Variants in DNAAF4 observed in about 807,000 individuals in gnomAD.
DNAAF4 encodes dynein assembly factor 4, axonemal.
DNAAF4 carries 43 observed loss-of-function variants against 51.8 expected under a neutral mutation model. That is an observed-to-expected ratio of 0.83 (90% CI 0.65 to 1.07). The LOEUF (loss-of-function observed/expected upper bound fraction) is 1.07. Ranked by LOEUF, DNAAF4 falls within the 50% of genes least tolerant of loss-of-function variation. The pLI is 0.00. For missense variants in DNAAF4, 581 were observed against 493.0 expected, an observed-to-expected ratio of 1.18 and a Z score of -1.69; for synonymous variants, 194 against 165.6, an observed-to-expected ratio of 1.17 and a Z score of -1.32.
At chr15:55,501,624 C>A (rs902886779) in intron 1 of DNAAF4, among the ~76,000 whole-genome samples, 8 of 151,926 alleles carry the variant, frequency 5.3e-5, no homozygotes, top group Non-Finnish European at 1.2e-4. Context: ...ATCAACCCAC[C>A]TCGGCCTCCC....
At chr15:55,450,175 A>T in intron 6 of DNAAF4, 47 bp downstream of exon 6, 7 of 1,526,604 alleles carry the variant, frequency 4.6e-6, no homozygotes, top group Non-Finnish European at 6.1e-6. Context: ...AAATAAAAAT[A>T]AAGTATTTTC....
At chr15:55,465,386 GTATA>G (rs146504575) in intron 5 of DNAAF4, among the ~76,000 whole-genome samples, 20 of 32,468 alleles carry the variant, frequency 6.2e-4, no homozygotes, top group South Asian at 5.0e-3. Flanking sequence ...AAAATATGGT[GTATA>G]TATACACACA....
intron 1 of DNAAF4, among the ~76,000 whole-genome samples, chr15:55,503,860 G>A (rs924706819): frequency 2.6e-5 from 4 of 152,122 alleles, no homozygotes; most frequent in Non-Finnish European, 2.9e-5. Context: ...TTTGAAAACC[G>A]GCACAAGACA....
chr15:55,467,112 C>T lies in DNAAF4; in HGVS notation c.455G>A (p.Arg152Gln), dbSNP rs776607716. The change falls in exon 5 of 10, where the codon CGG becomes CAG. Residue 152 changes from arginine to glutamine, a missense_variant. Arg to Gln is a conservative substitution (Grantham distance 43). Transcript: ENST00000321149. ...TTCCAATGCTTTAGTGGCTTTTATC[C>T]GTTCATTTTCTTTCATATCTTCTAT... ...KKIEDMKENERIKATKALEAW... is the reference protein window; with the variant it reads ...KKIEDMKENEQIKATKALEAW... 6 of 1,538,270 alleles carry T rather than the reference C, an allele frequency of 3.9e-6. No individual in the cohort carries two copies. Among genetic ancestry groups the T allele is most frequent in the East Asian group, 2.4e-5 (1 of 41,162 alleles).
intron 6 of DNAAF4, 119 bp from the exon 7 acceptor site, chr15:55,439,700 TTG>T: frequency 1.2e-6 from 1 of 809,328 alleles, no homozygotes; most frequent in East Asian, 2.8e-5. Flanking sequence ...CACTGAGTGT[TTG>T]TGTCTTCTCC....
chr15:55,495,473 C>T (rs1021558558), intron 3 of DNAAF4, among the ~76,000 whole-genome samples: 3 of 152,108 alleles, frequency 2.0e-5, no homozygotes, highest in Admixed American at 6.5e-5. Flanking sequence ...TGCAGTGGCT[C>T]ACGCCTGAAA....
rs150514177 is a variant in DNAAF4, at chr15:55,483,974, G to C, written c.405+7149C>G. Among the ~76,000 whole-genome samples, 5 of 149,358 alleles carry C rather than the reference G, an allele frequency of 3.3e-5. No homozygotes were observed. The East Asian group carries it at 8.0e-4, about 24-fold the overall frequency. On this transcript the variant is annotated intron_variant, in intron 4 of 9. Coordinates refer to ENST00000321149, the MANE Select transcript of DNAAF4 (RefSeq NM_130810.4). ...TCAAAGATTTAGGAAAAAAGGGAAT[G>C]AGTGGGTTTCAGAGATATAGTTCAA... is the stretch of plus-strand genomic sequence containing the variant.
At chr15:55,458,124 C>T (rs895133785) in intron 5 of DNAAF4, among the ~76,000 whole-genome samples, 5 of 152,128 alleles carry the variant, frequency 3.3e-5, no homozygotes, top group African/African-American at 1.2e-4. Flanking sequence ...TATGACAATA[C>T]AAGGTTCTGT....
intron 4 of DNAAF4, among the ~76,000 whole-genome samples, chr15:55,472,189 T>C (rs1303391413): frequency 6.6e-6 from 1 of 152,184 alleles, no homozygotes; most frequent in African/African-American, 2.4e-5. Flanking sequence ...ACACACAATT[T>C]AACACAGACA....
Position 55,498,497 on chromosome 15 carries a change from A to G in DNAAF4, c.-168T>C, listed in dbSNP as rs866065649. Reference sequence around the variant, plus strand: ...CACCTCGCGGACTCCATGCGTGACTATCCAGGCGCCCAGACCAGAGAGTGA... The same window carrying G: ...CACCTCGCGGACTCCATGCGTGACTGTCCAGGCGCCCAGACCAGAGAGTGA... On this transcript the variant is annotated 5_prime_UTR_variant, in exon 2 of 10. Coordinates refer to ENST00000321149, the MANE Select transcript of DNAAF4 (RefSeq NM_130810.4). 1 of 900,730 alleles carries G rather than the reference A, an allele frequency of 1.1e-6. No homozygotes were observed. The allele number at this position is 900,730 out of a possible 1,614,324, so 55.8% of individuals were successfully genotyped here. A position where few individuals can be genotyped will look rare whatever the true frequency, so the allele number is the denominator to read the frequency against.
Position 55,450,237 on chromosome 15 carries a change from T to A in DNAAF4, c.768A>T (p.Val256=). 3.7e-6 allele frequency: 6 copies of A among 1,611,902 alleles called. No homozygotes were observed. The highest frequency in any genetic ancestry group is 5.1e-6 in the Non-Finnish European group (6 of 1,179,558). Residue 256 remains valine, a synonymous_variant, in exon 6 of 10, where the codon GTA becomes GTT. Coordinates refer to ENST00000321149, the MANE Select transcript of DNAAF4 (RefSeq NM_130810.4). The part of the protein sequence containing the change: ...VFPTALRESQ[V]AEEEEWLHKQ... ...GTATATATACCTCCTCCTCTTCTGC[T>A]ACTTGTGATTCACGAAGAGCTGTTG...
At chr15:55,422,100 CATG>C (rs968143581) in intron 7 of DNAAF4, among the ~76,000 whole-genome samples, 5 of 151,778 alleles carry the variant, frequency 3.3e-5, no homozygotes, top group Non-Finnish European at 7.4e-5. Flanking sequence ...GCATAAATAA[CATG>C]ATAACATACA....
intron 7 of DNAAF4, among the ~76,000 whole-genome samples, chr15:55,424,487 T>C (rs1238380638): frequency 2.0e-5 from 3 of 152,214 alleles, no homozygotes; most frequent in Non-Finnish European, 4.4e-5. Flanking sequence ...TGGATGAAAT[T>C]TGTTGGAAAG....
At chr15:55,491,351 C>A (rs2058568658) in intron 3 of DNAAF4, 95 bp from the exon 4 acceptor site, 4 of 1,265,556 alleles carry the variant, frequency 3.2e-6, no homozygotes, top group Non-Finnish European at 4.3e-6. Context: ...GATGAGATTT[C>A]TTTGTACCCA....
chr15:55,491,357 A>G, intron 3 of DNAAF4, 101 bp from the exon 4 acceptor site: 1 of 1,183,162 alleles, frequency 8.5e-7, no homozygotes, highest in African/African-American at 1.5e-5. Flanking sequence ...ATTTCTTTGT[A>G]CCCAACTTCA....
chr15:55,431,493 GAGAC>G (rs923538963), intron 9 of DNAAF4, among the ~76,000 whole-genome samples: 7 of 134,300 alleles, frequency 5.2e-5, no homozygotes, highest in African/African-American at 1.9e-4. Context: ...TTTTTTTTTG[GAGAC>G]AGAGTCTTGC....
At position 55,418,280 on chromosome 15, in the gene DNAAF4, C is replaced by T. The variant is rs761016593; in HGVS notation, c.1048-147G>A. The T allele has an allele frequency of 1.4e-5, 22 of 1,551,966 alleles. No individual in the cohort carries two copies. The Admixed American group carries it at 4.1e-4, about 29-fold the overall frequency. On this transcript the variant is annotated intron_variant, in intron 7 of 7. Coordinates refer to the DNAAF4 transcript ENST00000448430. ...CACAGAAATGAAATCTGAACAACTG[C>T]CTCCTTGTGTGAACCCTGGCAATCC...
intron 4 of DNAAF4, among the ~76,000 whole-genome samples, chr15:55,482,036 C>T (rs1344898197): frequency 6.6e-6 from 1 of 152,208 alleles, no homozygotes; most frequent in Non-Finnish European, 1.5e-5. Flanking sequence ...AATCGGGGCT[C>T]TTGAGCTGCT....
At chr15:55,480,024 T>C (rs1353332153) in intron 4 of DNAAF4, among the ~76,000 whole-genome samples, 2 of 152,214 alleles carry the variant, frequency 1.3e-5, no homozygotes, top group African/African-American at 4.8e-5. Context: ...GTTCTGCTTT[T>C]GCCCTTTGTC....
Sources: gnomAD v4.1 joint callset for allele counts (sites outside exome capture counted in the v4.1 genomes callset) on GRCh38, gnomAD v4.1.1 for gene constraint, MANE v1.5 for transcripts, NCBI Gene and HGNC (gene_info 2026-07-23, HGNC 2026-07-21) for gene names.